SAMM50: variants seen among roughly 807,000 people sequenced by gnomAD.
SAMM50 encodes SAMM50 sorting and assembly machinery component.
In SAMM50, 47 loss-of-function variants were observed where a neutral mutation model predicts 66.9. The ratio of observed to expected loss-of-function variants is 0.70; its 90% confidence interval spans 0.56 to 0.90. SAMM50 has a LOEUF of 0.90. SAMM50 is among the 40% of genes least tolerant of loss of function. SAMM50 has a pLI of 0.00. For synonymous variants in SAMM50, 191 were observed against 214.1 expected (o/e 0.89, Z 0.94); for missense variants, 535 against 595.3 (o/e 0.90, Z 1.05).
rs1161780834 is a variant in SAMM50 at position 43,973,228 on chromosome 22, T to C, written c.561-8T>C. Reference sequence around the variant, plus strand: ...CAGCTTTTAAAGCTCTATCCCATTGTCTCCTAGTTTCTCTGTAAACTTATA... The same window carrying C: ...CAGCTTTTAAAGCTCTATCCCATTGCCTCCTAGTTTCTCTGTAAACTTATA... On this transcript the variant is annotated splice_region_variant and splice_polypyrimidine_tract_variant and intron_variant, in intron 6 of 14. Coordinates refer to ENST00000350028, the MANE Select transcript of SAMM50 (RefSeq NM_015380.5). The C allele has an allele frequency of 6.4e-7, 1 of 1,553,134 alleles. No homozygotes were observed. Among genetic ancestry groups the C allele is most frequent in the Admixed American group, 1.7e-5 (1 of 59,882 alleles).
intron 13 of SAMM50, among the ~76,000 whole-genome samples, chr22:43,989,512 A>G (rs943216858): frequency 6.6e-6 from 1 of 151,908 alleles, no homozygotes. Context: ...AATTTTTTGT[A>G]TTTTTAGTAG....
At chr22:43,962,403 T>C (rs181378330) in intron 1 of SAMM50, among the ~76,000 whole-genome samples, 9 of 152,180 alleles carry the variant, frequency 5.9e-5, no homozygotes, top group Non-Finnish European at 1.0e-4. Context: ...TAGATATATA[T>C]AGAGAGATAG....
At chr22:43,984,511 C>A (rs1256050122) in intron 12 of SAMM50, among the ~76,000 whole-genome samples, 1 of 150,820 alleles carries the variant, frequency 6.6e-6, no homozygotes, top group African/African-American at 2.4e-5. Flanking sequence ...TGGGGTTTTA[C>A]CATGTTGGCC....
chr22:43,957,838 A>G (rs759238245), intron 1 of SAMM50, among the ~76,000 whole-genome samples: 4 of 152,164 alleles, frequency 2.6e-5, no homozygotes, highest in Non-Finnish European at 4.4e-5. Flanking sequence ...GGCTCACTGC[A>G]AGCTCCACCT....
chr22:43,996,443 C>A lies in SAMM50; in HGVS notation c.*60C>A. 1 of 1,498,530 alleles carries A rather than the reference C, an allele frequency of 6.7e-7. No individual in the cohort carries two copies. The highest frequency in any genetic ancestry group is 9.3e-7 in the Non-Finnish European group (1 of 1,074,622). 92.8% of individuals were successfully genotyped at this position (1,498,530 alleles called of 1,614,324 possible). On this transcript the variant is annotated 3_prime_UTR_variant, in exon 15 of 15. Coordinates refer to ENST00000350028, the MANE Select transcript of SAMM50 (RefSeq NM_015380.5). ...GCAGCAGCAAGGCGCCCATGCCACA[C>A]ACCGTCTCTCGAGGAAACGCGGTTC... is the stretch of plus-strand genomic sequence containing the variant.
chr22:43,975,938 A>G, intron 7 of SAMM50, 117 bp from the exon 8 acceptor site: 1 of 1,057,122 alleles, frequency 9.5e-7, no homozygotes, highest in Non-Finnish European at 1.4e-6. Context: ...CTCTCTCATC[A>G]TTAAAAAAAA....
In SAMM50 at chr22:43,983,975, G is replaced by A. The variant is rs1363586530; in HGVS notation, c.1050G>A (p.Met350Ile). ...GGPTSIRGFS[M>I]HSIGPQSEGD... Reference sequence around the variant, plus strand: ...CCACAAGCATCCGCGGATTCAGCATGCACAGCATCGGGCCACAGAGCGAAG... The same window carrying A: ...CCACAAGCATCCGCGGATTCAGCATACACAGCATCGGGCCACAGAGCGAAG... The change falls in exon 12 of 15, where the codon ATG becomes ATA. Residue 350 changes from methionine (M) to isoleucine (I), a missense_variant. Met to Ile is a conservative substitution (Grantham distance 10). Transcript: ENST00000350028. The surrounding 1 kb of genome is among the most constrained non-coding windows in gnomAD (Gnocchi z 4.2). 6.2e-7 allele frequency: 1 copy of A among 1,611,838 alleles called. No individual in the cohort carries two copies. The highest frequency in any genetic ancestry group is 8.5e-7 in the Non-Finnish European group (1 of 1,179,148).
rs1329400121 is a variant in SAMM50, at chr22:43,968,834, T to A, written c.322+16T>A. The A allele has an allele frequency of 1.9e-6, 3 of 1,556,136 alleles. No homozygotes were observed. The highest frequency in any genetic ancestry group is 2.7e-6 in the Non-Finnish European group (3 of 1,127,788). ...ACATGTCAAGGTACATATTGTGGTG[T>A]AGTATCTTTATAATTCCCTTTCTGT... is the stretch of plus-strand genomic sequence containing the variant. On this transcript the variant is annotated intron_variant, in intron 4 of 14. Coordinates refer to ENST00000350028, the MANE Select transcript of SAMM50 (RefSeq NM_015380.5).
At chr22:43,978,390 A>C (rs2050244808) in intron 10 of SAMM50, among the ~76,000 whole-genome samples, 1 of 146,240 alleles carries the variant, frequency 6.8e-6, no homozygotes, top group Admixed American at 7.0e-5. Flanking sequence ...AGCCAAGATC[A>C]CACCACTGCA....
intron 10 of SAMM50, among the ~76,000 whole-genome samples, chr22:43,979,725 A>C (rs140218530): frequency 9.6e-4 from 146 of 151,872 alleles, no homozygotes; most frequent in African/African-American, 3.3e-3. Flanking sequence ...ACTTTCCTAC[A>C]CAAACTGCTT....
intron 11 of SAMM50, among the ~76,000 whole-genome samples, chr22:43,981,769 GCACT>G (rs941151430): frequency 7.6e-4 from 115 of 152,310 alleles, no homozygotes; most frequent in African/African-American, 2.7e-3. Context: ...ATTAGAGAAA[GCACT>G]CACTAAGTCA....
chr22:43,982,576 G>A (rs796595902), intron 11 of SAMM50, among the ~76,000 whole-genome samples: 14 of 152,300 alleles, frequency 9.2e-5, no homozygotes, highest in African/African-American at 3.1e-4. Context: ...CACTCGTTAT[G>A]TTATATGCAT....
intron 7 of SAMM50, chr22:43,974,521 C>G (rs2050221349): frequency 1.3e-5 from 2 of 152,308 alleles, no homozygotes; most frequent in Admixed American, 1.3e-4. Flanking sequence ...CATGAGAACT[C>G]AGAGCACACA....
chr22:43,979,553 C>T (rs534629351), intron 10 of SAMM50, among the ~76,000 whole-genome samples: 26 of 152,306 alleles, frequency 1.7e-4, no homozygotes, highest in African/African-American at 5.8e-4. Flanking sequence ...TGAGTCGTCT[C>T]TGCTCCTCTC....
At chr22:43,970,297 AGGT>A (rs2050196701) in intron 4 of SAMM50, among the ~76,000 whole-genome samples, 2 of 151,810 alleles carry the variant, frequency 1.3e-5, no homozygotes, top group Non-Finnish European at 2.9e-5. Context: ...TGGTTTCCTG[AGGT>A]CACCTTGGGC....
Position 43,976,805 on chromosome 22 carries a change from T to A in SAMM50, c.833T>A (p.Leu278Ter), listed in dbSNP as rs759370039. 3.1e-6 allele frequency: 5 copies of A among 1,611,236 alleles called. No individual in the cohort carries two copies. The highest frequency in any genetic ancestry group is 3.4e-6 in the Non-Finnish European group (4 of 1,178,406). Residue 278 changes from leucine (L) to a stop codon, truncating the protein, a stop_gained, in exon 9 of 15, where the codon TTG becomes TAG. Transcript: ENST00000350028. LOFTEE classifies it high-confidence loss of function. ...NSSILPRRGA[L>*]LKVNQELAGY... ...TCCATCTTACCAAGGAGAGGTGCTT[T>A]GCTGAAAGTTAACCAGGTAGTGTTG...
intron 10 of SAMM50, 65 bp from the exon 11 acceptor site, chr22:43,981,326 T>C: frequency 2.3e-6 from 3 of 1,292,954 alleles, no homozygotes; most frequent in Non-Finnish European, 3.4e-6. Context: ...CAGTTGCTAG[T>C]TGCTGATGTT....
intron 12 of SAMM50, among the ~76,000 whole-genome samples, chr22:43,985,122 T>C (rs754166314): frequency 2.0e-5 from 3 of 151,782 alleles, no homozygotes; most frequent in Non-Finnish European, 4.4e-5. Flanking sequence ...AGTACAGTGT[T>C]CCCGTATAAC....
Position 43,972,315 on chromosome 22 carries a change from C to G in SAMM50, c.402C>G (p.Thr134=). 1 of 1,602,774 alleles carries G rather than the reference C, an allele frequency of 6.2e-7. No individual in the cohort carries two copies. Among genetic ancestry groups the G allele is most frequent in the Non-Finnish European group, 8.5e-7 (1 of 1,175,656 alleles). Residue 134 remains threonine, a synonymous_variant, in exon 5 of 15, where the codon ACC becomes ACG. Coordinates refer to ENST00000350028, the MANE Select transcript of SAMM50 (RefSeq NM_015380.5). ...GGAGATTAACGGGCAGTTATAACAC[C>G]ATGGTTGGAAACAATGAAGGCAGTA... ...ELRRLTGSYN[T]MVGNNEGSMV... is the part of the protein sequence containing the mutation.
Sources: gnomAD v4.1 joint callset for allele counts (sites outside exome capture counted in the v4.1 genomes callset) on GRCh38, gnomAD v4.1.1 for gene constraint, Gnocchi (gnomAD v3.1) non-coding constraint, MANE v1.5 for transcripts, NCBI Gene and HGNC (gene_info 2026-07-23, HGNC 2026-07-21) for gene names.